SYT10: variants seen among roughly 807,000 people sequenced by gnomAD.
The protein encoded by SYT10 is synaptotagmin-10.
SYT10 carries 31 observed loss-of-function variants against 51.1 expected under a neutral mutation model. That is an observed-to-expected ratio of 0.61 (90% CI 0.46 to 0.82). The LOEUF is 0.82. Among genes scored for constraint, SYT10 ranks in the 40% least tolerant of loss-of-function variants. The pLI is 0.00. For missense variants in SYT10, 603 were observed against 634.0 expected (o/e 0.95, Z 0.53); for synonymous variants, 233 against 225.9 (o/e 1.03, Z -0.28).
Position 33,392,549 on chromosome 12 carries a change from C to CT in SYT10, c.1078-7259dup, listed in dbSNP as rs574102231. 5.9e-5 allele frequency among the ~76,000 whole-genome samples: 9 copies of CT among 152,168 alleles called. No homozygotes were observed. In the East Asian group the frequency reaches 1.7e-3, roughly 30 times the overall value. Reference sequence around the variant, plus strand: ...GAAAAGGAGGCTTCTATCACAAAACCTAGTGAGATTACTGGATTTTTTACA... The same window carrying CT: ...GAAAAGGAGGCTTCTATCACAAAACCTTAGTGAGATTACTGGATTTTTTACA... On this transcript the variant is annotated intron_variant, in intron 3 of 6. Coordinates refer to ENST00000228567, the MANE Select transcript of SYT10 (RefSeq NM_198992.4).
At chr12:33,391,152 G>T (rs750322794) in intron 3 of SYT10, among the ~76,000 whole-genome samples, 2 of 152,144 alleles carry the variant, frequency 1.3e-5, no homozygotes, top group Non-Finnish European at 2.9e-5. Flanking sequence ...GGCCAGACTG[G>T]TCTTGAACTC....
intron 1 of SYT10, among the ~76,000 whole-genome samples, chr12:33,438,231 G>A (rs1305644477): frequency 6.6e-6 from 1 of 152,100 alleles, no homozygotes; most frequent in Non-Finnish European, 1.5e-5. Context: ...AGCTCTTGTT[G>A]CCCTGACTAC....
At chr12:33,408,961 C>G (rs1235808636) in intron 2 of SYT10, among the ~76,000 whole-genome samples, 1 of 152,100 alleles carries the variant, frequency 6.6e-6, no homozygotes, top group Non-Finnish European at 1.5e-5. Flanking sequence ...TCATTCCACT[C>G]CTTTTCCATT....
rs780930522 is a variant in SYT10, at chr12:33,426,336, G to C, written c.311C>G (p.Pro104Arg). ...TTLPQSISSA[P>R]TEVFETEEKK... ...CTCTTCAGTCTCAAAAACTTCAGTA[G>C]GAGCACTTGAAATGCTCTGTGGAAG... The change falls in exon 2 of 7, where the codon CCT (proline) becomes CGT (arginine). Residue 104 changes from proline to arginine, a missense_variant. By Grantham distance (103) the Pro-to-Arg change is moderately radical. Transcript: ENST00000228567. 1 of 1,613,920 alleles carries C rather than the reference G, an allele frequency of 6.2e-7. No individual in the cohort carries two copies.
chr12:33,405,010 T>C (rs1335614348), intron 3 of SYT10: 1 of 151,142 alleles, frequency 6.6e-6, no homozygotes, highest in East Asian at 1.9e-4. Context: ...GGAAAACGTA[T>C]GAATGTTTAA....
chr12:33,419,661 G>A (rs930523028), intron 2 of SYT10, among the ~76,000 whole-genome samples: 1 of 151,996 alleles, frequency 6.6e-6, no homozygotes, highest in South Asian at 2.1e-4. Context: ...TACTTACCTT[G>A]ACTTCTCTCC....
intron 1 of SYT10, among the ~76,000 whole-genome samples, chr12:33,433,999 G>T (rs532972941): frequency 1.6e-4 from 24 of 152,284 alleles, no homozygotes; most frequent in African/African-American, 4.3e-4. Context: ...TCTGCAAAGT[G>T]ATGATTCCTA....
intron 6 of SYT10, 35 bp from the exon 7 acceptor site, chr12:33,376,936 T>C (rs779790755): frequency 3.1e-6 from 5 of 1,604,990 alleles, no homozygotes; most frequent in Non-Finnish European, 4.3e-6. Context: ...TATGATCTAG[T>C]ACAGAAATAG....
At chr12:33,432,941 G>C (rs1356037018) in intron 1 of SYT10, 2 of 152,016 alleles carry the variant, frequency 1.3e-5, no homozygotes, top group Non-Finnish European at 2.9e-5. Flanking sequence ...CGTGTAAAGA[G>C]TTTTATTAAT....
intron 1 of SYT10, among the ~76,000 whole-genome samples, chr12:33,430,376 G>C (rs893484004): frequency 6.6e-6 from 1 of 152,322 alleles, no homozygotes; most frequent in Non-Finnish European, 1.5e-5. Context: ...TAGCATAGCA[G>C]AACTTTGCTA....
intron 4 of SYT10, among the ~76,000 whole-genome samples, chr12:33,382,976 A>AAGC (rs1431117857): frequency 1.2e-4 from 18 of 152,212 alleles, no homozygotes; most frequent in Admixed American, 1.2e-3. Flanking sequence ...ACACAAAAAG[A>AAGC]AGCCTCCTGA....
chr12:33,412,541 G>A (rs73312176), intron 2 of SYT10, among the ~76,000 whole-genome samples: 5,840 of 151,866 alleles, frequency 0.038, 362 homozygotes, highest in African/African-American at 0.13. Flanking sequence ...GTATTAGGTT[G>A]GTGCAAAAGT....
At chr12:33,393,375 C>T (rs1421925531) in intron 3 of SYT10, among the ~76,000 whole-genome samples, 1 of 152,166 alleles carries the variant, frequency 6.6e-6, no homozygotes, top group Non-Finnish European at 1.5e-5. Flanking sequence ...TCATCATTTA[C>T]AGATAGGGGC....
chr12:33,376,170 A>C lies in SYT10; in HGVS notation c.*660T>G, dbSNP rs768233081. 6.6e-6 allele frequency: 1 copy of C among 152,220 alleles called. No individual in the cohort carries two copies. The highest frequency in any genetic ancestry group is 2.4e-5 in the African/African-American group (1 of 41,460). The allele number at this position is 152,220 out of a possible 1,614,324, so 9.4% of individuals were successfully genotyped here. A position where few individuals can be genotyped will look rare whatever the true frequency, so the allele number is the denominator to read the frequency against. On this transcript the variant is annotated 3_prime_UTR_variant, in exon 7 of 7. Coordinates refer to ENST00000228567, the MANE Select transcript of SYT10 (RefSeq NM_198992.4). ...TGGCTCAGCCTCCGTTTTTCAGCCA[A>C]TAAGTATTACTTCTTAAATTTATAT...
chr12:33,387,475 C>T (rs1350139469), intron 3 of SYT10, among the ~76,000 whole-genome samples: 1 of 152,160 alleles, frequency 6.6e-6, no homozygotes, highest in Non-Finnish European at 1.5e-5. Context: ...TACTGTATTG[C>T]TAGCACATAC....
intron 1 of SYT10, among the ~76,000 whole-genome samples, chr12:33,432,117 T>C (rs1591999353): frequency 6.6e-6 from 1 of 152,138 alleles, no homozygotes; most frequent in South Asian, 2.1e-4. Context: ...CAGAGTGATA[T>C]AAGATTTCTT....
chr12:33,420,912 C>G (rs190478944), intron 2 of SYT10, among the ~76,000 whole-genome samples: 1 of 152,268 alleles, frequency 6.6e-6, no homozygotes, highest in Non-Finnish European at 1.5e-5. Flanking sequence ...AGACAGATCT[C>G]AGGTCTTTCC....
chr12:33,410,349 C>G (rs1297219356), intron 2 of SYT10, among the ~76,000 whole-genome samples: 1 of 152,110 alleles, frequency 6.6e-6, no homozygotes, highest in Non-Finnish European at 1.5e-5. Context: ...AACTGTTGAG[C>G]AGTAATTCAA....
At chr12:33,417,962 G>T (rs1866469385) in intron 2 of SYT10, among the ~76,000 whole-genome samples, 1 of 152,168 alleles carries the variant, frequency 6.6e-6, no homozygotes, top group East Asian at 1.9e-4. Flanking sequence ...AAAGTTAAAA[G>T]AACTTGCTAT....
Sources: allele counts gnomAD v4.1 joint callset (sites outside exome capture counted in the v4.1 genomes callset), GRCh38; gene constraint gnomAD v4.1.1; transcripts MANE v1.5; gene names NCBI Gene and HGNC (gene_info 2026-07-23, HGNC 2026-07-21).